Variants in EFCAB7 observed in about 807,000 individuals in gnomAD.
EFCAB7 encodes the protein EF-hand calcium binding domain 7.
A neutral mutation model predicts 77.1 loss-of-function variants in EFCAB7; 66 were observed. That is an observed-to-expected ratio of 0.86 (90% confidence interval 0.70 to 1.05). The LOEUF (loss-of-function observed/expected upper bound fraction) is 1.05. EFCAB7 is among the 50% of genes least tolerant of loss of function. The probability of loss-of-function intolerance (pLI) is 0.00; values close to 1 mark genes in which losing one functional copy is unlikely to be tolerated. For synonymous variants in EFCAB7, 225 were observed against 243.3 expected, an observed-to-expected ratio of 0.92 and a Z score of 0.70; for missense variants, 638 against 730.5, an observed-to-expected ratio of 0.87 and a Z score of 1.46.
rs781338972 is a variant in EFCAB7, at chr1:63,555,354, A to C, written c.1057-4A>C. The C allele has an allele frequency of 4.4e-6, 7 of 1,602,658 alleles. No homozygotes were observed. ...ATTGTTTTATTTCATTGTTTTGAGA[A>C]AAGGTGTTTGGATGGACTGGTGAAC... On this transcript the variant is annotated splice_region_variant and splice_polypyrimidine_tract_variant and intron_variant, in intron 8 of 13. Transcript: ENST00000371088.
At position 63,534,080 on chromosome 1, in the gene EFCAB7, C is replaced by G; in HGVS notation, c.683-15C>G. On this transcript the variant is annotated splice_polypyrimidine_tract_variant and intron_variant, in intron 5 of 13. Coordinates refer to ENST00000371088, the MANE Select transcript of EFCAB7 (RefSeq NM_032437.4). ...TTTTCATAATGTCAGACCAAATAAT[C>G]ATTACTTGTTGCAGGTGACACCAGG... The G allele has an allele frequency of 6.2e-7, 1 of 1,612,338 alleles. No homozygotes were observed. The highest frequency in any genetic ancestry group is 8.5e-7 in the Non-Finnish European group (1 of 1,179,100).
chr1:63,559,762 A>G (rs950533801), intron 10 of EFCAB7, among the ~76,000 whole-genome samples: 4 of 152,170 alleles, frequency 2.6e-5, no homozygotes, highest in East Asian at 1.9e-4. Context: ...CCACCATTAC[A>G]ATATCATTTA....
chr1:63,552,760 T>C (rs1646981821), intron 8 of EFCAB7, among the ~76,000 whole-genome samples: 1 of 152,202 alleles, frequency 6.6e-6, no homozygotes. Context: ...TTATATAGGC[T>C]CAATGACACA....
chr1:63,547,699 TCA>T (rs1646916181), intron 7 of EFCAB7: 1 of 152,250 alleles, frequency 6.6e-6, no homozygotes, highest in African/African-American at 2.4e-5. Flanking sequence ...TAGGGCTTGC[TCA>T]CACAGTTATG....
At chr1:63,543,552 A>C (rs1646854869) in intron 6 of EFCAB7, among the ~76,000 whole-genome samples, 1 of 152,246 alleles carries the variant, frequency 6.6e-6, no homozygotes, top group Non-Finnish European at 1.5e-5. Flanking sequence ...GAGATTTTTA[A>C]TAAAATATGA....
intron 7 of EFCAB7, 92 bp downstream of exon 7, chr1:63,546,149 A>C (rs1646895957): frequency 7.4e-7 from 1 of 1,358,614 alleles, no homozygotes; most frequent in Non-Finnish European, 1.0e-6. Flanking sequence ...TAGTTAGGGA[A>C]GAAAATAATC....
At chr1:63,574,181 G>A (rs1164497854), downstream of EFCAB7, among the ~76,000 whole-genome samples, 1 of 151,854 alleles carries the variant, frequency 6.6e-6, no homozygotes, top group East Asian at 1.9e-4. Context: ...TGTAGGGAAG[G>A]GAGGGGGCCT....
Position 63,555,466 on chromosome 1 carries a change from C to T in EFCAB7, c.1165C>T (p.Leu389Phe). 6.2e-7 allele frequency: 1 copy of T among 1,613,858 alleles called. No homozygotes were observed. Among genetic ancestry groups the T allele is most frequent in the Non-Finnish European group, 8.5e-7 (1 of 1,179,876 alleles). The change falls in exon 9 of 14, where the codon CTT becomes TTT. Residue 389 changes from leucine to phenylalanine, a missense_variant. By Grantham distance (22) the Leu-to-Phe change is conservative. Transcript: ENST00000371088. ...KIKPVTDEAQ[L>F]VYRDETGELF... ...AAAACCAGTAACAGATGAAGCCCAA[C>T]TTGTATATAGAGATGAAACAGGGGA...
intron 10 of EFCAB7, among the ~76,000 whole-genome samples, chr1:63,560,187 C>T (rs1647079429): frequency 6.6e-6 from 1 of 152,056 alleles, no homozygotes; most frequent in Non-Finnish European, 1.5e-5. Context: ...CTCCTGACCT[C>T]ATGATCTGCC....
intron 7 of EFCAB7, chr1:63,548,451 T>G (rs1418197020): frequency 6.6e-6 from 1 of 152,304 alleles, no homozygotes; most frequent in Non-Finnish European, 1.5e-5. Flanking sequence ...TTGTTGTTGA[T>G]GCTGTTGCCT....
downstream of EFCAB7, among the ~76,000 whole-genome samples, chr1:63,573,229 G>C (rs1647319826): frequency 6.6e-6 from 1 of 152,146 alleles, no homozygotes; most frequent in African/African-American, 2.4e-5. Flanking sequence ...CTTCGAGTGG[G>C]ATTAGGGGTG....
rs544678970 is a variant in EFCAB7 at position 63,544,573 on chromosome 1, C to T, written c.805-1343C>T. On this transcript the variant is annotated intron_variant, in intron 6 of 13. Transcript: ENST00000371088. The stretch of plus-strand genomic sequence containing the variant: ...GACTACAGGCGCACGCCACCGTGCC[C>T]GGCTAATTTTTGTATTATTAGTAAA... Among the ~76,000 whole-genome samples, 10 of 152,034 alleles carry T rather than the reference C, an allele frequency of 6.6e-5. No homozygotes were observed. The South Asian group carries it at 8.3e-4, about 13-fold the overall frequency.
At chr1:63,580,765 GT>G in the EFCAB7 span, among the ~76,000 whole-genome samples, 1 of 152,040 alleles carries the variant, frequency 6.6e-6, no homozygotes, top group African/African-American at 2.4e-5. Context: ...GCATTTTGTA[GT>G]TTTCAGCATA....
chr1:63,539,546 A>T (rs139954185), intron 6 of EFCAB7, among the ~76,000 whole-genome samples: 66 of 152,302 alleles, frequency 4.3e-4, no homozygotes, highest in African/African-American at 1.5e-3. Flanking sequence ...TAACTTACAC[A>T]CTGGAGAGAA....
intron 1 of EFCAB7, among the ~76,000 whole-genome samples, chr1:63,525,329 A>G (rs978788436): frequency 7.9e-5 from 12 of 152,172 alleles, no homozygotes; most frequent in African/African-American, 2.7e-4. Flanking sequence ...ATATATCTAA[A>G]ATTAGAAATT....
intron 6 of EFCAB7, among the ~76,000 whole-genome samples, chr1:63,544,357 A>G (rs1009861969): frequency 3.9e-5 from 6 of 152,168 alleles, no homozygotes; most frequent in Non-Finnish European, 8.8e-5. Context: ...TAAAGCCAAT[A>G]TAGAAAAGTC....
chr1:63,576,027 T>C (rs1040601003), downstream of EFCAB7, among the ~76,000 whole-genome samples: 1 of 152,216 alleles, frequency 6.6e-6, no homozygotes, highest in Non-Finnish European at 1.5e-5. Flanking sequence ...TTATAAAGCC[T>C]ATCTTTGATG....
chr1:63,579,848 T>C, the EFCAB7 span, among the ~76,000 whole-genome samples: 4 of 152,358 alleles, frequency 2.6e-5, no homozygotes, highest in Middle Eastern at 3.4e-3. Context: ...CATAGTATAC[T>C]TTTTGATGGT....
chr1:63,560,064 T>C (rs1647077300), intron 10 of EFCAB7, among the ~76,000 whole-genome samples: 1 of 152,044 alleles, frequency 6.6e-6, no homozygotes, highest in African/African-American at 2.4e-5. Context: ...CACGCCATTC[T>C]GCCTCAGCCT....
Sources: gnomAD v4.1 joint callset for allele counts (sites outside exome capture counted in the v4.1 genomes callset) on GRCh38, gnomAD v4.1.1 for gene constraint, MANE v1.5 for transcripts, NCBI Gene and HGNC (gene_info 2026-07-23, HGNC 2026-07-21) for gene names.